ABCA4: variants seen among roughly 807,000 people sequenced by gnomAD.
The protein encoded by ABCA4 is ATP binding cassette subfamily A member 4.
Under a neutral mutation model 263.7 loss-of-function variants are expected in ABCA4, and 196 were observed. The ratio of observed to expected loss-of-function variants is 0.74; its 90% confidence interval spans 0.66 to 0.84. The LOEUF is 0.84. ABCA4 is among the 40% of genes least tolerant of loss of function. ABCA4 has a pLI of 0.00. For synonymous variants in ABCA4, 1,133 were observed against 1,094.2 expected, an observed-to-expected ratio of 1.04 and a Z score of -0.70; for missense variants, 2,792 against 2,855.1, an observed-to-expected ratio of 0.98 and a Z score of 0.50.
chr1:94,055,327 C>T lies in ABCA4; in HGVS notation c.2383-12G>A, dbSNP rs368548294. ...GGAGACAGTAAGCTCTGCAGTGAGGCGGAGAGGGCACAGAAAAAGAGCAGT... is the reference window on the plus strand; with the variant it reads ...GGAGACAGTAAGCTCTGCAGTGAGGTGGAGAGGGCACAGAAAAAGAGCAGT... On this transcript the variant is annotated splice_polypyrimidine_tract_variant and intron_variant, in intron 15 of 49. Transcript: ENST00000370225. 2.3e-4 allele frequency: 372 copies of T among 1,613,240 alleles called. No homozygotes were observed. Among genetic ancestry groups the T allele is most frequent in the African/African-American group, 5.3e-4 (40 of 74,958 alleles).
intron 17 of ABCA4, among the ~76,000 whole-genome samples, chr1:94,051,346 G>A (rs1660833639): frequency 6.6e-6 from 1 of 152,200 alleles, no homozygotes; most frequent in Admixed American, 6.5e-5. Context: ...ACCCTGAAGT[G>A]GCTTGGCCTT....
chr1:94,062,709 C>T lies in ABCA4; in HGVS notation c.1805G>A (p.Arg602Gln), dbSNP rs61749410. 75 of 1,613,988 alleles carry T rather than the reference C, an allele frequency of 4.6e-5. No homozygotes were observed. The highest frequency in any genetic ancestry group is 6.7e-5 in the African/African-American group (5 of 74,904). Reference sequence around the variant, plus strand: ...ATAGGCAAACCCGCCCCAGATGTACCGGAAATCTTCCACGGGATCAGCTCT... The same window carrying T: ...ATAGGCAAACCCGCCCCAGATGTACTGGAAATCTTCCACGGGATCAGCTCT... The part of the protein sequence containing the change: ...GPRADPVEDF[R>Q]YIWGGFAYLQ... The change falls in exon 13 of 50, where the codon CGG becomes CAG. Residue 602 changes from arginine (R) to glutamine (Q), a missense_variant. By Grantham distance (43) the Arg-to-Gln change is conservative. Transcript: ENST00000370225.
intron 1 of ABCA4, among the ~76,000 whole-genome samples, chr1:94,114,393 G>A (rs1557810994): frequency 1.3e-5 from 2 of 152,110 alleles, no homozygotes; most frequent in Non-Finnish European, 2.9e-5. Context: ...TTTACAAGAT[G>A]TTTTACTCAA....
At chr1:94,055,528 A>G (rs967967249) in intron 15 of ABCA4, among the ~76,000 whole-genome samples, 4 of 152,262 alleles carry the variant, frequency 2.6e-5, no homozygotes, top group South Asian at 4.1e-4. Flanking sequence ...CTCTAGCTAT[A>G]CAGTCACAAA....
intron 48 of ABCA4, 60 bp from the exon 49 acceptor site, chr1:93,996,255 C>A: frequency 8.1e-7 from 1 of 1,230,726 alleles, no homozygotes. Context: ...CACCCTACAC[C>A]CACCTACCCA....
chr1:94,061,005 T>G (rs1454899955), intron 13 of ABCA4, among the ~76,000 whole-genome samples: 1 of 152,168 alleles, frequency 6.6e-6, no homozygotes, highest in African/African-American at 2.4e-5. Context: ...GCTCTGCAAG[T>G]AAAATGTGTC....
In ABCA4 at chr1:94,019,587, C is replaced by T. The variant is rs200037640; in HGVS notation, c.5191G>A (p.Asp1731Asn). The T allele has an allele frequency of 1.2e-6, 2 of 1,604,678 alleles. No individual in the cohort carries two copies. The highest frequency in any genetic ancestry group is 2.7e-5 in the African/African-American group (2 of 74,890). ...CGCTGTAAACTGACACTTACGATGTCCCAGAGGAAGTTGGTCACCCAGTAG... is the reference window on the plus strand; with the variant it reads ...CGCTGTAAACTGACACTTACGATGTTCCAGAGGAAGTTGGTCACCCAGTAG... ...TTYWVTNFLW[D>N]IMNYSVSAGL... The change falls in exon 36 of 50, where the codon GAC becomes AAC. Residue 1731 changes from aspartate to asparagine, a missense_variant. Transcript: ENST00000370225.
chr1:94,047,342 G>A (rs1405039286), intron 18 of ABCA4, among the ~76,000 whole-genome samples: 1 of 152,138 alleles, frequency 6.6e-6, no homozygotes, highest in Admixed American at 6.5e-5. Context: ...TCTTACAATG[G>A]TCCTAAGGGG....
intron 20 of ABCA4, 50 bp from the exon 21 acceptor site, chr1:94,043,525 C>T: frequency 6.2e-7 from 1 of 1,610,958 alleles, no homozygotes; most frequent in South Asian, 1.1e-5. Flanking sequence ...CTTCCACTTC[C>T]AGCAGCTGAT....
At chr1:94,091,065 G>C (rs1661954448) in intron 6 of ABCA4, among the ~76,000 whole-genome samples, 2 of 152,234 alleles carry the variant, frequency 1.3e-5, no homozygotes, top group African/African-American at 4.8e-5. Context: ...GAGTCAGCAA[G>C]AAAGAGTGAC....
chr1:94,048,843 T>C, intron 18 of ABCA4, 25 bp downstream of exon 18: 2 of 1,611,242 alleles, frequency 1.2e-6, no homozygotes, highest in Non-Finnish European at 1.7e-6. Flanking sequence ...TCGCCTCTGC[T>C]GTGTATTCTT....
At position 94,098,822 on chromosome 1, in the gene ABCA4, T is replaced by C. The variant is rs62645950; in HGVS notation, c.740A>G (p.Asn247Ser). The C allele has an allele frequency of 4.3e-6, 7 of 1,614,048 alleles. No homozygotes were observed. Among genetic ancestry groups the C allele is most frequent in the African/African-American group, 4.0e-5 (3 of 74,940 alleles). Residue 247 changes from asparagine to serine, a missense_variant, in exon 6 of 50, where the codon AAC becomes AGC. Physicochemically the swap from Asn to Ser is conservative, Grantham distance 46. Coordinates refer to ENST00000370225, the MANE Select transcript of ABCA4 (RefSeq NM_000350.3). Reference protein sequence around the residue: ...LQWIEDTLYANVDFFKLFRVL... With the variant: ...LQWIEDTLYASVDFFKLFRVL... ...ACGGAAGAGCTTGAAGAAGTCCACG[T>C]TGGCATACAGAGTGTCTTCTATCCA...
intron 40 of ABCA4, 109 bp from the exon 41 acceptor site, chr1:94,008,980 TC>T: frequency 6.7e-7 from 1 of 1,500,650 alleles, no homozygotes. Flanking sequence ...CTTCTGGGCT[TC>T]CATCCTTTAA....
At chr1:94,101,163 A>C (rs921434448) in intron 5 of ABCA4, among the ~76,000 whole-genome samples, 2 of 152,266 alleles carry the variant, frequency 1.3e-5, no homozygotes, top group Non-Finnish European at 2.9e-5. Flanking sequence ...TAGAGATCTA[A>C]ATGTCACATT....
Position 94,031,182 on chromosome 1 carries a change from G to A in ABCA4, c.4129-62C>T, listed in dbSNP as rs527950791. The A allele has an allele frequency of 1.1e-4, 182 of 1,598,406 alleles. 1 individual carries two copies. In the East Asian group the frequency reaches 3.9e-3, roughly 34 times the overall value. Reference sequence around the variant, plus strand: ...GCATGGAGATGTCACACGTGCGCGTGCACACACATCTTCATTCTTTTAAAC... The same window carrying A: ...GCATGGAGATGTCACACGTGCGCGTACACACACATCTTCATTCTTTTAAAC... On this transcript the variant is annotated intron_variant, in intron 27 of 49. Transcript: ENST00000370225.
At chr1:94,017,501 C>T (rs1412094317) in intron 36 of ABCA4, among the ~76,000 whole-genome samples, 1 of 152,184 alleles carries the variant, frequency 6.6e-6, no homozygotes, top group African/African-American at 2.4e-5. Context: ...CCAGGCTGAA[C>T]GAGACTAAAG....
chr1:94,060,616 G>A lies in ABCA4; in HGVS notation c.2081C>T (p.Ala694Val), dbSNP rs770140944. 2.5e-5 allele frequency: 40 copies of A among 1,614,042 alleles called. No homozygotes were observed. The South Asian group carries it at 4.1e-4, about 16-fold the overall frequency. The change falls in exon 14 of 50, where the codon GCA becomes GTA. Residue 694 changes from alanine (A) to valine (V), a missense_variant. Ala to Val is a moderately conservative substitution (Grantham distance 64). Transcript: ENST00000370225. The stretch of plus-strand genomic sequence containing the variant: ...CAGGAACCAGGTACACCAAATCACT[G>A]CATTGGAGACACCCTGATTTTTCAA... ...ETLKNQGVSN[A>V]VIWCTWFLDS...
chr1:94,019,505 G>T, intron 36 of ABCA4, 77 bp downstream of exon 36: 2 of 1,490,104 alleles, frequency 1.3e-6, no homozygotes, highest in Middle Eastern at 2.1e-4. Context: ...TCCCCTCTTG[G>T]TCTGGTCCTT....
In ABCA4 at chr1:94,030,989, C is replaced by T. The variant is rs369267759; in HGVS notation, c.4253+7G>A. On this transcript the variant is annotated splice_region_variant and intron_variant, in intron 28 of 49. Transcript: ENST00000370225. ...CAGAGGAGAATGGTGACCCCGAGTC[C>T]GCGCACCTGAAGAAGGTGTACTGCT... The T allele has an allele frequency of 3.2e-5, 52 of 1,613,762 alleles. 1 individual carries two copies. Among genetic ancestry groups the T allele is most frequent in the South Asian group, 2.2e-4 (20 of 91,066 alleles).
Sources: gnomAD v4.1 joint callset for allele counts (sites outside exome capture counted in the v4.1 genomes callset) on GRCh38, gnomAD v4.1.1 for gene constraint, MANE v1.5 for transcripts, NCBI Gene and HGNC (gene_info 2026-07-23, HGNC 2026-07-21) for gene names.